Variants in CASD1 observed in about 807,000 individuals in gnomAD.
CASD1 encodes N-acetylneuraminate (7)9-O-acetyltransferase.
A neutral mutation model predicts 100.0 loss-of-function variants in CASD1; 41 were observed. That is an observed-to-expected ratio of 0.41 (90% confidence interval 0.32 to 0.53). CASD1 has a LOEUF of 0.53. Among genes scored for constraint, CASD1 ranks in the 20% least tolerant of loss-of-function variants. The pLI is 0.25. For missense variants in CASD1, 774 were observed against 948.7 expected, an observed-to-expected ratio of 0.82 and a Z score of 2.42; for synonymous variants, 321 against 315.6, an observed-to-expected ratio of 1.02 and a Z score of -0.18.
chr7:94,527,295 T>G (rs1415206625), intron 4 of CASD1, 89 bp downstream of exon 4: 4 of 959,890 alleles, frequency 4.2e-6, no homozygotes, highest in Non-Finnish European at 6.6e-6. Context: ...TTCAATGTAT[T>G]CTTGAGAGTA....
chr7:94,530,757 AATAGGCAGAGAATTTAGAG>A (rs1794813174), intron 5 of CASD1, among the ~76,000 whole-genome samples: 3 of 152,152 alleles, frequency 2.0e-5, no homozygotes, highest in Admixed American at 6.5e-5. Context: ...GAAGAAATTG[AATAGGCAGAGAATTTAGAG>A]ATTAAAGAGG....
intron 10 of CASD1, among the ~76,000 whole-genome samples, chr7:94,540,789 G>C (rs189606721): frequency 6.6e-6 from 1 of 152,194 alleles, no homozygotes; most frequent in East Asian, 1.9e-4. Context: ...TCTGATGTAT[G>C]AATAAAGACT....
the CASD1 span, among the ~76,000 whole-genome samples, chr7:94,582,881 A>C: frequency 6.6e-6 from 1 of 152,232 alleles, no homozygotes; most frequent in African/African-American, 2.4e-5. Flanking sequence ...CATCCTTAGA[A>C]CACTCTCTGA....
At chr7:94,600,803 T>A in the CASD1 span, 14 of 1,613,186 alleles carry the variant, frequency 8.7e-6, no homozygotes, top group Middle Eastern at 1.7e-4. Context: ...TCAGGTAAAA[T>A]CCCCTCTCCA....
At position 94,554,816 on chromosome 7, in the gene CASD1, A is replaced by G. The variant is rs1796123798; in HGVS notation, c.2127+241A>G. On this transcript the variant is annotated intron_variant, in intron 17 of 17. Transcript: ENST00000297273. ...ACTAGATATAGATTACTTGCAAAAT[A>G]TTATTTACGTTGTCTTGAGCTTTCA... is the stretch of plus-strand genomic sequence containing the variant. Among the ~76,000 whole-genome samples, 5 of 152,114 alleles carry G rather than the reference A, an allele frequency of 3.3e-5. No individual in the cohort carries two copies. The South Asian group carries it at 1.0e-3, about 31-fold the overall frequency.
chr7:94,547,238 A>G, intron 13 of CASD1, 63 bp downstream of exon 13: 5 of 1,235,116 alleles, frequency 4.0e-6, no homozygotes, highest in Non-Finnish European at 5.6e-6. Flanking sequence ...AGTCTATTAA[A>G]GCATGTGAGA....
Position 94,538,828 on chromosome 7 carries a change from C to T in CASD1, c.1267-139C>T, listed in dbSNP as rs114714145. 1.3e-3 allele frequency: 564 copies of T among 438,838 alleles called. 3 individuals carry two copies. The highest frequency in any genetic ancestry group is 0.01 in the African/African-American group (508 of 49,360). The allele number at this position is 438,838 out of a possible 1,614,324, so 27.2% of individuals were successfully genotyped here. On this transcript the variant is annotated intron_variant, in intron 9 of 17. Transcript: ENST00000297273. ...CAAGAAATAAAATGACAGTTTTTAA[C>T]TGTTTCTCACCATCAAGGTTCTTTT...
intron 11 of CASD1, 93 bp from the exon 12 acceptor site, chr7:94,545,452 C>T: frequency 1.2e-6 from 1 of 859,342 alleles, no homozygotes; most frequent in Non-Finnish European, 1.9e-6. Flanking sequence ...GCCATTTATA[C>T]TCTGTCAGAG....
chr7:94,523,413 A>G (rs1355843660), intron 3 of CASD1, among the ~76,000 whole-genome samples: 1 of 152,224 alleles, frequency 6.6e-6, no homozygotes, highest in Non-Finnish European at 1.5e-5. Context: ...TCTACATGCC[A>G]ACAATGTAAA....
the CASD1 span, among the ~76,000 whole-genome samples, chr7:94,577,081 G>T: frequency 6.6e-6 from 1 of 152,026 alleles, no homozygotes; most frequent in Non-Finnish European, 1.5e-5. Context: ...GTTTCTTTTA[G>T]TTCTCTAGAT....
the CASD1 span, among the ~76,000 whole-genome samples, chr7:94,614,387 G>T: frequency 6.6e-6 from 1 of 152,076 alleles, no homozygotes; most frequent in African/African-American, 2.4e-5. Flanking sequence ...AAAAATTTTA[G>T]TATCAACCAT....
rs1795575800 is a variant in CASD1, at chr7:94,544,473, T to C, written c.1419T>C (p.Tyr473=). 1.9e-6 allele frequency: 3 copies of C among 1,613,282 alleles called. No homozygotes were observed. Among genetic ancestry groups the C allele is most frequent in the Non-Finnish European group, 2.5e-6 (3 of 1,179,542 alleles). ...LVAAYLFQTG[Y]GHFSYFWIKG... ...CTGCATATTTATTTCAGACAGGGTA[T>C]GGGCATTTCTCATACTTTTGGATAA... Residue 473 remains tyrosine (Y), a synonymous_variant, in exon 11 of 18, where the codon TAT becomes TAC. Coordinates refer to ENST00000297273, the MANE Select transcript of CASD1 (RefSeq NM_022900.5).
chr7:94,624,489 T>C, the CASD1 span: 1 of 338,228 alleles, frequency 3.0e-6, no homozygotes, highest in Non-Finnish European at 5.3e-6. Context: ...AACCTCTCTC[T>C]CCAGGATTTG....
At chr7:94,553,829 A>T (rs1053269775) in intron 16 of CASD1, 18 of 143,954 alleles carry the variant, frequency 1.3e-4, no homozygotes, top group South Asian at 2.3e-4. Flanking sequence ...AAGAAAATGC[A>T]AGATTGTTCC....
At chr7:94,535,185 T>G in intron 7 of CASD1, 124 bp from the exon 8 acceptor site, 1 of 674,754 alleles carries the variant, frequency 1.5e-6, no homozygotes, top group Non-Finnish European at 2.5e-6. Flanking sequence ...AACTATTAGG[T>G]ACCTGGTACC....
the CASD1 span, among the ~76,000 whole-genome samples, chr7:94,563,172 A>G: frequency 5.9e-5 from 9 of 152,148 alleles, no homozygotes; most frequent in African/African-American, 1.9e-4. Flanking sequence ...AATGAGTAGC[A>G]AGAAGGGACA....
At chr7:94,614,838 AT>A in the CASD1 span, among the ~76,000 whole-genome samples, 1 of 152,164 alleles carries the variant, frequency 6.6e-6, no homozygotes, top group African/African-American at 2.4e-5. Flanking sequence ...ATATTCTCCC[AT>A]TAAAAAAATA....
At chr7:94,632,196 C>CA in the CASD1 span, among the ~76,000 whole-genome samples, 1 of 151,832 alleles carries the variant, frequency 6.6e-6, no homozygotes. Context: ...GCTAACAAAG[C>CA]AAAATGAAAG....
At chr7:94,548,327 A>C (rs1480468931) in intron 13 of CASD1, among the ~76,000 whole-genome samples, 1 of 151,852 alleles carries the variant, frequency 6.6e-6, no homozygotes, top group Non-Finnish European at 1.5e-5. Flanking sequence ...AAAATTTTAA[A>C]TTGTGTATAC....
Sources: gnomAD v4.1 joint callset for allele counts (sites outside exome capture counted in the v4.1 genomes callset) on GRCh38, gnomAD v4.1.1 for gene constraint, MANE v1.5 for transcripts, NCBI Gene and HGNC (gene_info 2026-07-23, HGNC 2026-07-21) for gene names.